SVEP1: variants seen among roughly 807,000 people sequenced by gnomAD.
SVEP1 encodes the protein sushi, von Willebrand factor type A, EGF and pentraxin domain-containing protein 1.
In SVEP1, 164 loss-of-function variants were observed where a neutral mutation model predicts 367.3. That is an observed-to-expected ratio of 0.45 (90% confidence interval 0.39 to 0.51). The LOEUF is 0.51. Ranked by LOEUF, SVEP1 falls within the 20% of genes least tolerant of loss-of-function variation. SVEP1 has a pLI of 0.00. For missense variants in SVEP1, 4,117 were observed against 4,425.3 expected, an observed-to-expected ratio of 0.93 and a Z score of 1.98; for synonymous variants, 1,666 against 1,611.6, an observed-to-expected ratio of 1.03 and a Z score of -0.81.
chr9:110,489,316 T>C (rs1185081614), intron 9 of SVEP1, among the ~76,000 whole-genome samples: 1 of 152,150 alleles, frequency 6.6e-6, no homozygotes, highest in South Asian at 2.1e-4. Flanking sequence ...AATAAAGACA[T>C]ACCCGAGACT....
At chr9:110,415,411 A>G (rs999926759) in intron 36 of SVEP1, among the ~76,000 whole-genome samples, 3 of 152,050 alleles carry the variant, frequency 2.0e-5, no homozygotes, top group African/African-American at 7.3e-5. Context: ...GTGCAGGGCA[A>G]TGGTCTGTGC....
In SVEP1 at chr9:110,377,475, C is replaced by G; in HGVS notation, c.10409-109G>C. The G allele has an allele frequency of 3.0e-6, 3 of 986,122 alleles. No homozygotes were observed. The South Asian group carries it at 5.5e-5, about 18-fold the overall frequency. The allele number at this position is 986,122 out of a possible 1,614,324, so 61.1% of individuals were successfully genotyped here. ...ATACTATTTCCTTGAGTCAAGCTTT[C>G]AGGAAGAGAGACAAAAATCGAATCT... On this transcript the variant is annotated intron_variant, in intron 44 of 47. Transcript: ENST00000374469.
At position 110,457,292 on chromosome 9, in the gene SVEP1, G is replaced by T. The variant is rs185467075; in HGVS notation, c.3637C>A (p.Arg1213Ser). ...HNSGTCQQLG[R>S]GYVCLCPLGY... Reference sequence around the variant, plus strand: ...AGTGGACAGAGACAAACATAACCACGCCCAAGTTGCTGGCAGGTTCCACTA... The same window carrying T: ...AGTGGACAGAGACAAACATAACCACTCCCAAGTTGCTGGCAGGTTCCACTA... Residue 1213 changes from arginine to serine, a missense_variant, in exon 21 of 48, where the codon CGT (arginine) becomes AGT (serine). Transcript: ENST00000374469. 3.1e-6 allele frequency: 5 copies of T among 1,612,362 alleles called. No individual in the cohort carries two copies. In the Admixed American group the frequency reaches 5.0e-5, roughly 16 times the overall value.
rs776241314 is a variant in SVEP1 at position 110,411,122 on chromosome 9, G to T, written c.6589C>A (p.Pro2197Thr). Residue 2197 changes from proline (P) to threonine (T), a missense_variant, in exon 37 of 48, where the codon CCG becomes ACG. This residue lies in a region of SVEP1 where 1,765 missense variants were observed against 1,781.1 expected (regional missense o/e 0.99). Coordinates refer to ENST00000374469, the MANE Select transcript of SVEP1 (RefSeq NM_153366.4). The stretch of plus-strand genomic sequence containing the variant: ...CCACAAGATACCGGGTGGCACGTCG[G>T]TATAGGACTACTCCACTGCCCTGTG... Reference protein sequence around the residue: ...EATGQWSSPIPTCHPVSCGEP... With the variant: ...EATGQWSSPITTCHPVSCGEP... 12 of 1,613,306 alleles carry T rather than the reference G, an allele frequency of 7.4e-6. No homozygotes were observed. Among genetic ancestry groups the T allele is most frequent in the African/African-American group, 1.3e-5 (1 of 75,030 alleles).
chr9:110,579,254 A>C lies in SVEP1; in HGVS notation c.290T>G (p.Val97Gly). The C allele has an allele frequency of 6.4e-7, 1 of 1,570,640 alleles. No individual in the cohort carries two copies. Among genetic ancestry groups the C allele is most frequent in the African/African-American group, 1.4e-5 (1 of 73,824 alleles). Residue 97 changes from valine (V) to glycine (G), a missense_variant, in exon 1 of 48, where the codon GTC becomes GGC. Transcript: ENST00000374469. This position sits in a 1 kb window ranked among gnomAD's most constrained non-coding sequence, Gnocchi z 5.3. ...GAACATGAGCTCGCTGCGGAAGTTG[A>C]CTTCGCCCACGCTGGACGAATCATC... ...LVDDSSSVGE[V>G]NFRSELMFVR...
intron 42 of SVEP1, among the ~76,000 whole-genome samples, 161 bp downstream of exon 42, chr9:110,387,124 A>T (rs1160894436): frequency 6.6e-6 from 1 of 152,178 alleles, no homozygotes; most frequent in African/African-American, 2.4e-5. Flanking sequence ...TAACACAAAC[A>T]TATTTTTAAA....
At position 110,482,452 on chromosome 9, in the gene SVEP1, G is replaced by T. The variant is rs41296069; in HGVS notation, c.2079C>A (p.Asp693Glu). 112,757 of 1,591,298 alleles carry T rather than the reference G, an allele frequency of 0.071. 4,592 individuals are homozygous for T. Among genetic ancestry groups the T allele is most frequent in the Admixed American group, 0.17 (9,635 of 56,066 alleles). ...LVITRSHTQGDLFPQGETIVQ... is the reference protein window; with the variant it reads ...LVITRSHTQGELFPQGETIVQ... ...CTATAGTCTCCCCTTGAGGGAAAAG[G>T]TCTCCTTGTGTATGACTTCTGGTAA... Residue 693 changes from aspartate (D) to glutamate (E), a missense_variant, in exon 11 of 48, where the codon GAC becomes GAA. Coordinates refer to ENST00000374469, the MANE Select transcript of SVEP1 (RefSeq NM_153366.4).
intron 19 of SVEP1, 132 bp downstream of exon 19, chr9:110,458,820 A>T (rs1828814935): frequency 1.7e-6 from 2 of 1,147,772 alleles, no homozygotes; most frequent in African/African-American, 1.6e-5. Context: ...AAAATACCTC[A>T]GAAGGACAAT....
intron 31 of SVEP1, 85 bp from the exon 32 acceptor site, chr9:110,432,119 A>G: frequency 1.5e-6 from 2 of 1,354,280 alleles, no homozygotes; most frequent in South Asian, 2.9e-5. Flanking sequence ...AAATCATTAC[A>G]TATCACGTAA....
intron 43 of SVEP1, among the ~76,000 whole-genome samples, chr9:110,384,934 AC>A (rs1827498124): frequency 6.6e-6 from 1 of 152,194 alleles, no homozygotes; most frequent in African/African-American, 2.4e-5. Context: ...AGTAGCTTGG[AC>A]AACAAATGAG....
chr9:110,450,467 G>A (rs377034959), intron 23 of SVEP1, among the ~76,000 whole-genome samples: 3 of 102,106 alleles, frequency 2.9e-5, no homozygotes, highest in Admixed American at 1.2e-4. Context: ...TTGATAATCT[G>A]TTTTTTTTTT....
chr9:110,515,473 T>G (rs896301097), intron 3 of SVEP1, among the ~76,000 whole-genome samples: 7 of 152,010 alleles, frequency 4.6e-5, no homozygotes, highest in Non-Finnish European at 7.4e-5. Flanking sequence ...GCTAATTTTT[T>G]GTATTTTTAG....
intron 13 of SVEP1, among the ~76,000 whole-genome samples, chr9:110,477,919 C>T (rs1829121972): frequency 6.6e-6 from 1 of 152,156 alleles, no homozygotes; most frequent in Admixed American, 6.6e-5. Flanking sequence ...AAATGGCTTT[C>T]CATTTAATTA....
chr9:110,428,276 A>G (rs1414431668), intron 35 of SVEP1, among the ~76,000 whole-genome samples: 1 of 151,982 alleles, frequency 6.6e-6, no homozygotes, highest in East Asian at 1.9e-4. Flanking sequence ...TTTCTTCTCA[A>G]CTTGATTCTG....
chr9:110,579,344 G>A lies in SVEP1; in HGVS notation c.200C>T (p.Ala67Val). ...CAGCAGCCGCACGCGTCGCCGGAACGCCTGGCCCAGCCGCTCCACTCTGCT... is the reference window on the plus strand; with the variant it reads ...CAGCAGCCGCACGCGTCGCCGGAACACCTGGCCCAGCCGCTCCACTCTGCT... ...AGSRVERLGQ[A>V]FRRRVRLLRE... Residue 67 changes from alanine (A) to valine (V), a missense_variant, in exon 1 of 48, where the codon GCG (alanine) becomes GTG (valine). Transcript: ENST00000374469. This position sits in a 1 kb window ranked among gnomAD's most constrained non-coding sequence, Gnocchi z 5.3. 1 of 1,553,292 alleles carries A rather than the reference G, an allele frequency of 6.4e-7. No individual in the cohort carries two copies. The highest frequency in any genetic ancestry group is 8.7e-7 in the Non-Finnish European group (1 of 1,149,662).
chr9:110,505,298 T>C (rs1488340572), intron 5 of SVEP1, among the ~76,000 whole-genome samples: 1 of 152,178 alleles, frequency 6.6e-6, no homozygotes, highest in African/African-American at 2.4e-5. Context: ...TCCATTTCCA[T>C]TGATTTCATC....
At chr9:110,369,268 C>A (rs1172330136) in intron 47 of SVEP1, among the ~76,000 whole-genome samples, 2 of 152,064 alleles carry the variant, frequency 1.3e-5, no homozygotes, top group Admixed American at 6.6e-5. Context: ...TTCCCTTTGA[C>A]TTGTGATAGT....
Position 110,365,447 on chromosome 9 carries a change from C to G in SVEP1, c.*1092G>C, listed in dbSNP as rs556046921. On this transcript the variant is annotated 3_prime_UTR_variant, in exon 48 of 48. Transcript: ENST00000374469. ...TCCTCCACAGTGCTACAACACACTC[C>G]AAGGCCTGTGTGGGAGCAGTTTTCC... 6.6e-6 allele frequency: 1 copy of G among 152,184 alleles called. No individual in the cohort carries two copies. The highest frequency in any genetic ancestry group is 1.5e-5 in the Non-Finnish European group (1 of 68,044). 9.4% of individuals were successfully genotyped at this position (152,184 alleles called of 1,614,324 possible). A position where few individuals can be genotyped will look rare whatever the true frequency, so the allele number is the denominator to read the frequency against.
At chr9:110,572,533 T>C (rs1360180546) in intron 1 of SVEP1, among the ~76,000 whole-genome samples, 1 of 152,106 alleles carries the variant, frequency 6.6e-6, no homozygotes, top group Non-Finnish European at 1.5e-5. Context: ...GAAATTTGAA[T>C]TCGACATTTA....
Sources: gnomAD v4.1 joint callset for allele counts (sites outside exome capture counted in the v4.1 genomes callset) on GRCh38, gnomAD v4.1.1 for gene constraint, gnomAD v4.1.1 regional missense constraint, Gnocchi (gnomAD v3.1) non-coding constraint, MANE v1.5 for transcripts, NCBI Gene and HGNC (gene_info 2026-07-23, HGNC 2026-07-21) for gene names.